Variants in COX10 observed in about 807,000 individuals in gnomAD.
COX10 encodes cytochrome c oxidase assembly factor heme A:farnesyltransferase COX10.
Under a neutral mutation model 37.3 loss-of-function variants are expected in COX10, and 27 were observed. The ratio of observed to expected loss-of-function variants is 0.72; its 90% CI spans 0.53 to 1.00. The LOEUF (loss-of-function observed/expected upper bound fraction) is 1.00, where lower values mean the gene tolerates loss of function less well. Among genes scored for constraint, COX10 ranks in the 50% least tolerant of loss-of-function variants. COX10 has a pLI of 0.00. For synonymous variants in COX10, 222 were observed against 229.1 expected, an observed-to-expected ratio of 0.97 and a Z score of 0.28; for missense variants, 475 against 563.2, an observed-to-expected ratio of 0.84 and a Z score of 1.59.
intron 4 of COX10, among the ~76,000 whole-genome samples, chr17:14,156,855 T>C (rs1266685190): frequency 6.6e-6 from 1 of 152,212 alleles, no homozygotes; most frequent in African/African-American, 2.4e-5. Context: ...CACATGTGAT[T>C]ATAATTAACC....
At chr17:14,183,929 A>G (rs1905947188) in intron 5 of COX10, among the ~76,000 whole-genome samples, 1 of 152,266 alleles carries the variant, frequency 6.6e-6, no homozygotes, top group African/African-American at 2.4e-5. Context: ...CACTTAGCAT[A>G]GTGGCTATCT....
At chr17:14,172,679 G>A (rs1430698614) in intron 5 of COX10, among the ~76,000 whole-genome samples, 2 of 148,152 alleles carry the variant, frequency 1.3e-5, no homozygotes, top group Non-Finnish European at 3.0e-5. Context: ...TCCAGAACTC[G>A]TGATCCTCCC....
At chr17:14,197,672 A>G (rs1250445061) in intron 6 of COX10, among the ~76,000 whole-genome samples, 1 of 152,238 alleles carries the variant, frequency 6.6e-6, no homozygotes, top group East Asian at 1.9e-4. Context: ...GCTATTTTAT[A>G]ACTGCACAAT....
At chr17:14,102,905 C>A (rs974362084) in intron 4 of COX10, among the ~76,000 whole-genome samples, 1 of 151,922 alleles carries the variant, frequency 6.6e-6, no homozygotes. Flanking sequence ...GTTTTCATTA[C>A]CAGAACACCC....
At chr17:14,198,688 TTCAGTTCTGTTTC>T (rs1299119153) in intron 6 of COX10, among the ~76,000 whole-genome samples, 1 of 152,208 alleles carries the variant, frequency 6.6e-6, no homozygotes, top group African/African-American at 2.4e-5. Flanking sequence ...CTACAAAATG[TTCAGTTCTGTTTC>T]ACTTTATTTA....
At chr17:14,146,239 C>G (rs1904713798) in intron 4 of COX10, among the ~76,000 whole-genome samples, 2 of 151,864 alleles carry the variant, frequency 1.3e-5, no homozygotes, top group African/African-American at 4.8e-5. Flanking sequence ...CTATAGTATA[C>G]AAAGCTATAG....
At chr17:14,122,760 G>A (rs1916257758) in intron 4 of COX10, among the ~76,000 whole-genome samples, 1 of 152,184 alleles carries the variant, frequency 6.6e-6, no homozygotes, top group East Asian at 1.9e-4. Context: ...TGACTGGCCA[G>A]CCCATTGGCC....
intron 3 of COX10, among the ~76,000 whole-genome samples, chr17:14,078,915 A>G (rs1432578335): frequency 6.6e-6 from 1 of 151,450 alleles, no homozygotes; most frequent in Non-Finnish European, 1.5e-5. Flanking sequence ...ACCCCACCAT[A>G]TTTGTTCCCC....
At chr17:14,110,192 CAG>C (rs1915980418) in intron 4 of COX10, among the ~76,000 whole-genome samples, 1 of 151,998 alleles carries the variant, frequency 6.6e-6, no homozygotes, top group Non-Finnish European at 1.5e-5. Context: ...TTATTTTTCT[CAG>C]AGTACTAAGA....
At chr17:14,144,115 G>C (rs1904635509) in intron 4 of COX10, among the ~76,000 whole-genome samples, 1 of 151,992 alleles carries the variant, frequency 6.6e-6, no homozygotes, top group African/African-American at 2.4e-5. Flanking sequence ...GATTTCTCTG[G>C]CCTCCACCCC....
At chr17:14,088,860 A>G (rs1438877441) in intron 3 of COX10, among the ~76,000 whole-genome samples, 1 of 152,156 alleles carries the variant, frequency 6.6e-6, no homozygotes, top group African/African-American at 2.4e-5. Context: ...TGACTTCCAT[A>G]CCGTCATCAT....
At position 14,109,023 on chromosome 17, in the gene COX10, A is replaced by G. The variant is rs535036759; in HGVS notation, c.624+6781A>G. On this transcript the variant is annotated intron_variant, in intron 4 of 6. Coordinates refer to ENST00000261643, the MANE Select transcript of COX10 (RefSeq NM_001303.4). ...ACATCATACATATAAGAAAAAATCA[A>G]TATGAAAAATATATTTTTCTTCTGA... Among the ~76,000 whole-genome samples, 7 of 152,326 alleles carry G rather than the reference A, an allele frequency of 4.6e-5. No homozygotes were observed. The East Asian group carries it at 1.2e-3, about 25-fold the overall frequency.
intron 1 of COX10, among the ~76,000 whole-genome samples, chr17:14,071,884 A>AGTG (rs1915033229): frequency 6.6e-6 from 1 of 152,066 alleles, no homozygotes; most frequent in Non-Finnish European, 1.5e-5. Context: ...TGGGTGACAG[A>AGTG]GTGAGACTCC....
At chr17:14,130,496 A>G (rs1916439766) in intron 4 of COX10, among the ~76,000 whole-genome samples, 2 of 143,418 alleles carry the variant, frequency 1.4e-5, no homozygotes, top group African/African-American at 5.2e-5. Flanking sequence ...TTCTAGCTCT[A>G]CTTATTAGGT....
chr17:14,121,870 G>C (rs1277222436), intron 4 of COX10, among the ~76,000 whole-genome samples: 1 of 152,074 alleles, frequency 6.6e-6, no homozygotes, highest in Non-Finnish European at 1.5e-5. Flanking sequence ...ATGAGGAGAG[G>C]AGGATTTTAG....
intron 4 of COX10, among the ~76,000 whole-genome samples, chr17:14,156,599 TCTG>T (rs573751019): frequency 2.3e-3 from 346 of 152,318 alleles, no homozygotes; most frequent in African/African-American, 8.1e-3. Flanking sequence ...GTGTTGAACT[TCTG>T]CTAGGTACTC....
intron 4 of COX10, among the ~76,000 whole-genome samples, chr17:14,117,362 A>G (rs778886337): frequency 1.1e-4 from 17 of 152,202 alleles, no homozygotes; most frequent in Non-Finnish European, 2.4e-4. Flanking sequence ...TTTTAAAAAA[A>G]TGTGTGAGGT....
At chr17:14,108,672 A>T (rs1378683324) in intron 4 of COX10, among the ~76,000 whole-genome samples, 1 of 1,208 alleles carries the variant, frequency 8.3e-4, no homozygotes, top group Non-Finnish European at 0.033. Flanking sequence ...TGGCTGAAAT[A>T]AGGTAAAAAA....
chr17:14,117,102 T>G (rs1433647615), intron 4 of COX10, among the ~76,000 whole-genome samples: 1 of 152,262 alleles, frequency 6.6e-6, no homozygotes, highest in Admixed American at 6.5e-5. Context: ...TTGTCAGTAT[T>G]GTTCTGTCAT....
Sources: gnomAD v4.1 joint callset for allele counts (sites outside exome capture counted in the v4.1 genomes callset) on GRCh38, gnomAD v4.1.1 for gene constraint, MANE v1.5 for transcripts, NCBI Gene and HGNC (gene_info 2026-07-23, HGNC 2026-07-21) for gene names.